The following DACH1 variants were observed in gnomAD, a reference collection of about 807,000 sequenced individuals.
DACH1 encodes dachshund family transcription factor 1.
Under a neutral mutation model 54.2 loss-of-function variants are expected in DACH1, and 12 were observed. The observed-to-expected ratio is 0.22, with a 90% CI of 0.14 to 0.36. DACH1 has a LOEUF of 0.36. Among genes scored for constraint, DACH1 ranks in the 10% least tolerant of loss-of-function variants. The probability of loss-of-function intolerance (pLI) is 1.00; values close to 1 mark genes in which losing one functional copy is unlikely to be tolerated. For synonymous variants in DACH1, 386 were observed against 366.2 expected (o/e 1.05, Z -0.62); for missense variants, 805 against 929.8 (o/e 0.87, Z 1.75).
intron 1 of DACH1, among the ~76,000 whole-genome samples, chr13:71,695,732 C>T (rs1347905499): frequency 6.6e-6 from 1 of 152,136 alleles, no homozygotes; most frequent in African/African-American, 2.4e-5. Context: ...TATTGCAAGT[C>T]CTTTGAGATA....
chr13:71,498,003 A>G (rs1879590019), intron 6 of DACH1, among the ~76,000 whole-genome samples: 1 of 152,086 alleles, frequency 6.6e-6, no homozygotes, highest in Non-Finnish European at 1.5e-5. Context: ...GATATACTTC[A>G]AGCAGCATTA....
At chr13:71,792,099 T>G (rs1055618755) in intron 1 of DACH1, among the ~76,000 whole-genome samples, 2 of 152,122 alleles carry the variant, frequency 1.3e-5, no homozygotes, top group Non-Finnish European at 2.9e-5. Flanking sequence ...TAGATCTTGC[T>G]TCCTTACCGG....
At chr13:71,488,209 A>G (rs751976996) in intron 7 of DACH1, among the ~76,000 whole-genome samples, 23 of 152,188 alleles carry the variant, frequency 1.5e-4, no homozygotes, top group Non-Finnish European at 2.6e-4. Flanking sequence ...AAAGGAGCTT[A>G]CCAGCACACT....
At chr13:71,596,393 G>A (rs878963160) in intron 3 of DACH1, among the ~76,000 whole-genome samples, 1 of 152,116 alleles carries the variant, frequency 6.6e-6, no homozygotes, top group Non-Finnish European at 1.5e-5. Flanking sequence ...TACTGGAGAG[G>A]AAAAGATACC....
chr13:71,608,077 A>G (rs1875017469), intron 3 of DACH1, among the ~76,000 whole-genome samples: 1 of 151,750 alleles, frequency 6.6e-6, no homozygotes, highest in South Asian at 2.1e-4. Flanking sequence ...ATATATATAT[A>G]AAATGGGTAA....
intron 3 of DACH1, among the ~76,000 whole-genome samples, chr13:71,611,708 T>C (rs186865079): frequency 1.3e-5 from 2 of 152,328 alleles, no homozygotes; most frequent in East Asian, 1.9e-4. Context: ...TAATATTACA[T>C]GCTTTTTTCG....
chr13:71,483,157 AATGCTATG>A lies in DACH1; in HGVS notation c.1723-3849_1723-3842del, dbSNP rs372538699. 3.4e-3 allele frequency among the ~76,000 whole-genome samples: 518 copies of A among 151,942 alleles called. 2 individuals are homozygous for A. Among genetic ancestry groups the A allele is most frequent in the African/African-American group, 0.012 (484 of 41,466 alleles). ...AACAAAATATAATACCATACTCTTT[AATGCTATG>A]ATTATTGTCCTGCAACGCCGATGTA... On this transcript the variant is annotated intron_variant, in intron 7 of 10. Transcript: ENST00000613252.
At chr13:71,767,139 ATATT>A (rs1158006338) in intron 1 of DACH1, among the ~76,000 whole-genome samples, 5 of 152,022 alleles carry the variant, frequency 3.3e-5, no homozygotes, top group Admixed American at 6.6e-5. Context: ...CAATTAATAT[ATATT>A]TAACACTGTT....
intron 1 of DACH1, among the ~76,000 whole-genome samples, chr13:71,761,397 T>TCCTATAGG (rs1885394511): frequency 6.6e-6 from 1 of 152,178 alleles, no homozygotes; most frequent in African/African-American, 2.4e-5. Context: ...AGACAAAATT[T>TCCTATAGG]CCTATAGGTA....
chr13:71,747,194 A>C (rs960035286), intron 1 of DACH1, among the ~76,000 whole-genome samples: 51 of 152,132 alleles, frequency 3.4e-4, no homozygotes, highest in Admixed American at 3.3e-3. Flanking sequence ...CAATGATGAG[A>C]GTTAATACTA....
intron 1 of DACH1, among the ~76,000 whole-genome samples, chr13:71,825,895 C>T (rs1179944023): frequency 6.6e-6 from 1 of 151,992 alleles, no homozygotes; most frequent in Non-Finnish European, 1.5e-5. Flanking sequence ...TATTTTGCTT[C>T]TGGGAAGGAG....
intron 4 of DACH1, among the ~76,000 whole-genome samples, chr13:71,568,537 A>G (rs1885024540): frequency 6.6e-6 from 1 of 152,104 alleles, no homozygotes; most frequent in Non-Finnish European, 1.5e-5. Context: ...TGAAATGGCT[A>G]GAACCTAGAA....
chr13:71,577,942 AT>A (rs1316562046), intron 3 of DACH1, among the ~76,000 whole-genome samples: 40 of 152,216 alleles, frequency 2.6e-4, no homozygotes, highest in African/African-American at 9.2e-4. Flanking sequence ...ATTCCTAAAT[AT>A]ATCCAACGAG....
intron 1 of DACH1, among the ~76,000 whole-genome samples, chr13:71,711,268 G>A (rs944863953): frequency 1.3e-5 from 2 of 152,130 alleles, no homozygotes; most frequent in Non-Finnish European, 2.9e-5. Flanking sequence ...GAGGGATATA[G>A]ATGAGATATG....
chr13:71,493,875 T>C (rs1879195422), intron 6 of DACH1, among the ~76,000 whole-genome samples: 1 of 152,172 alleles, frequency 6.6e-6, no homozygotes, highest in Non-Finnish European at 1.5e-5. Context: ...AATATCTATG[T>C]AATATCTGAA....
intron 10 of DACH1, among the ~76,000 whole-genome samples, chr13:71,455,353 T>G (rs927182771): frequency 6.6e-6 from 1 of 152,100 alleles, no homozygotes; most frequent in Non-Finnish European, 1.5e-5. Flanking sequence ...GACAGATAGA[T>G]ATAGATAGAT....
At chr13:71,696,550 CTT>C (rs201321215) in intron 1 of DACH1, among the ~76,000 whole-genome samples, 8 of 144,788 alleles carry the variant, frequency 5.5e-5, no homozygotes, top group African/African-American at 7.5e-5. Flanking sequence ...TTCAAATTCA[CTT>C]TTTTTTTTTT....
chr13:71,457,755 A>G lies in DACH1; in HGVS notation c.2084-17063T>C, dbSNP rs1274844566. Among the ~76,000 whole-genome samples, 6 of 151,986 alleles carry G rather than the reference A, an allele frequency of 3.9e-5. No individual in the cohort carries two copies. The East Asian group carries it at 1.2e-3, about 29-fold the overall frequency. On this transcript the variant is annotated intron_variant, in intron 10 of 10. Transcript: ENST00000613252. ...CAGAGTAATAAAATCAAGATTATGC[A>G]AAGAGATTCTATATTTTCAATATAA...
chr13:71,561,843 G>A (rs1035960229), intron 4 of DACH1, among the ~76,000 whole-genome samples: 3 of 151,832 alleles, frequency 2.0e-5, no homozygotes, highest in Non-Finnish European at 4.4e-5. Context: ...CAACAGATAT[G>A]CTGAGACTTC....
Sources: gnomAD v4.1 joint callset for allele counts (sites outside exome capture counted in the v4.1 genomes callset) on GRCh38, gnomAD v4.1.1 for gene constraint, MANE v1.5 for transcripts, NCBI Gene and HGNC (gene_info 2026-07-23, HGNC 2026-07-21) for gene names.